Variants in INTS3 observed in about 807,000 individuals in gnomAD.
The protein encoded by INTS3 is integrator complex subunit 3, also known as SOSS complex subunit A.
A neutral mutation model predicts 146.3 loss-of-function variants in INTS3; 34 were observed. The ratio of observed to expected loss-of-function variants is 0.23; its 90% confidence interval spans 0.18 to 0.31. The LOEUF (loss-of-function observed/expected upper bound fraction) is 0.31, where lower values mean the gene tolerates loss of function less well. Ranked by LOEUF, INTS3 falls within the 10% of genes least tolerant of loss-of-function variation. The pLI, the probability that INTS3 is intolerant of heterozygous loss-of-function variation, is 1.00. For synonymous variants in INTS3, 475 were observed against 494.9 expected (o/e 0.96, Z 0.53); for missense variants, 757 against 1,304.2 (o/e 0.58, Z 6.46).
intron 10 of INTS3, among the ~76,000 whole-genome samples, chr1:153,758,642 T>C (rs766979169): frequency 1.3e-4 from 19 of 144,088 alleles, no homozygotes; most frequent in Admixed American, 5.6e-4. Flanking sequence ...ACCCCATCTC[T>C]ACAAAAAAAT....
chr1:153,751,169 A>G lies in INTS3; in HGVS notation c.659A>G (p.His220Arg), dbSNP rs377300812. The change falls in exon 7 of 30, where the codon CAT becomes CGT. Residue 220 changes from histidine to arginine, a missense_variant. This residue lies in a region of INTS3 where 134 missense variants were observed against 243.1 expected (regional missense o/e 0.55). Transcript: ENST00000318967. ...TACCTCCGCCTCATCGTGGACCACC[A>G]TGGGACTGCCCAGCTCCAGGCCCTG... The part of the protein sequence containing the change: ...YTYLRLIVDH[H>R]GTAQLQALRQ... 4.2e-5 allele frequency: 67 copies of G among 1,614,052 alleles called. No homozygotes were observed. The African/African-American group carries it at 6.9e-4, about 17-fold the overall frequency.
intron 16 of INTS3, among the ~76,000 whole-genome samples, chr1:153,763,616 A>G (rs1219846694): frequency 1.3e-5 from 2 of 152,332 alleles, no homozygotes; most frequent in South Asian, 4.1e-4. Flanking sequence ...CTGAGAACCA[A>G]GGCAGGATTG....
chr1:153,761,214 G>A (rs1672369281), intron 13 of INTS3: 2 of 610,134 alleles, frequency 3.3e-6, no homozygotes, highest in Middle Eastern at 4.8e-4. Context: ...TGTTGAGTTA[G>A]AAATGAGAAG....
chr1:153,752,523 A>G, intron 8 of INTS3, 115 bp downstream of exon 8: 1 of 1,115,466 alleles, frequency 9.0e-7, no homozygotes, highest in South Asian at 1.6e-5. Flanking sequence ...GGTCAGATTT[A>G]GGAAGCCTGG....
At position 153,734,354 on chromosome 1, in the gene INTS3, T is replaced by C. The variant is rs1671207440; in HGVS notation, c.150+5570T>C. On this transcript the variant is annotated intron_variant, in intron 1 of 29. Coordinates refer to ENST00000318967, the MANE Select transcript of INTS3 (RefSeq NM_023015.5). ...ACCCTGAATGATTTGTAATCAATTT[T>C]CCCATCCCTGTTTGGAAAAGTAATT... Among the ~76,000 whole-genome samples, 3 of 152,316 alleles carry C rather than the reference T, an allele frequency of 2.0e-5. No homozygotes were observed. The South Asian group carries it at 6.2e-4, about 32-fold the overall frequency.
intron 11 of INTS3, 74 bp from the exon 12 acceptor site, chr1:153,760,232 CAAAAA>C (rs58951043): frequency 3.5e-3 from 1,383 of 393,586 alleles, no homozygotes; most frequent in Middle Eastern, 5.9e-3. Context: ...GACTCTGTTT[CAAAAA>C]AAAAAAAAAA....
In INTS3 at chr1:153,746,991, G is replaced by T; in HGVS notation, c.353G>T (p.Gly118Val). The change falls in exon 4 of 30, where the codon GGC (glycine) becomes GTC (valine). Residue 118 changes from glycine (G) to valine (V), a missense_variant. Gly to Val is a moderately radical substitution (Grantham distance 109). This residue lies in a region of INTS3 where 160 missense variants were observed against 193.7 expected (regional missense o/e 0.83). Transcript: ENST00000318967. ...GACTTAGCTCTGGTGAGTCGTGATGGCATGAATATTGTCCTGAATAAAATC... is the reference window on the plus strand; with the variant it reads ...GACTTAGCTCTGGTGAGTCGTGATGTCATGAATATTGTCCTGAATAAAATC... ...YRDLALVSRDGMNIVLNKINQ... is the reference protein window; with the variant it reads ...YRDLALVSRDVMNIVLNKINQ... The T allele has an allele frequency of 6.2e-7, 1 of 1,613,842 alleles. No individual in the cohort carries two copies. The highest frequency in any genetic ancestry group is 8.5e-7 in the Non-Finnish European group (1 of 1,179,794).
At chr1:153,747,526 ATTGATTG>A in intron 5 of INTS3, 163 bp downstream of exon 5, 1 of 634,526 alleles carries the variant, frequency 1.6e-6, no homozygotes, top group Non-Finnish European at 2.8e-6. Context: ...GTAGAAATAA[ATTGATTG>A]AAAAATCATG....
rs181224378 is a variant in INTS3, at chr1:153,739,926, G to C, written c.151-725G>C. Reference sequence around the variant, plus strand: ...TCTCCTGCCTCAGTCTCCTCCTCCTGAGTAGCTGGGATTACAGGCGCACAC... The same window carrying C: ...TCTCCTGCCTCAGTCTCCTCCTCCTCAGTAGCTGGGATTACAGGCGCACAC... On this transcript the variant is annotated intron_variant, in intron 1 of 29. Coordinates refer to ENST00000318967, the MANE Select transcript of INTS3 (RefSeq NM_023015.5). Among the ~76,000 whole-genome samples, 159 of 145,734 alleles carry C rather than the reference G, an allele frequency of 1.1e-3. 2 individuals carry two copies. The highest frequency in any genetic ancestry group is 1.7e-3 in the Non-Finnish European group (111 of 66,890).
intron 1 of INTS3, 37 bp downstream of exon 1, chr1:153,728,821 GGTTTTGGAGGGATACTGGAGCGGATACC>G: frequency 7.9e-7 from 1 of 1,264,824 alleles, no homozygotes; most frequent in Non-Finnish European, 1.1e-6. Flanking sequence ...TAAGAAATTG[GGTTTTGGAGGGATACTGGAGCGGATACC>G]GGGTGGGAGG....
rs528084168 is a variant in INTS3, at chr1:153,754,712, G to A, written c.930G>A (p.Glu310=). The change falls in exon 9 of 30, where the codon GAG becomes GAA. Residue 310 remains glutamate, a synonymous_variant. Coordinates refer to ENST00000318967, the MANE Select transcript of INTS3 (RefSeq NM_023015.5). The part of the protein sequence containing the change: ...FLACRLTPDM[E]TKLLFMTSRV... ...CATGTCGTCTAACCCCGGACATGGA[G>A]ACTAAACTCCTCTTCATGACATCCC... The A allele has an allele frequency of 2.5e-6, 4 of 1,612,374 alleles. No individual in the cohort carries two copies. Among genetic ancestry groups the A allele is most frequent in the African/African-American group, 2.7e-5 (2 of 75,012 alleles).
chr1:153,761,685 C>T lies in INTS3; in HGVS notation c.1516+9C>T. 1 of 1,581,058 alleles carries T rather than the reference C, an allele frequency of 6.3e-7. No individual in the cohort carries two copies. Among genetic ancestry groups the T allele is most frequent in the Non-Finnish European group, 8.7e-7 (1 of 1,150,208 alleles). On this transcript the variant is annotated intron_variant, in intron 14 of 29. Transcript: ENST00000318967. ...CTCCCCACCTGTGGAAGGTATGAGG[C>T]CCGCCCATTCCATCACCTGTGTCAA...
At chr1:153,764,598 G>A in intron 18 of INTS3, 92 bp from the exon 19 acceptor site, 1 of 949,150 alleles carries the variant, frequency 1.1e-6, no homozygotes, top group Non-Finnish European at 1.7e-6. Context: ...GGGTAGGGAA[G>A]GAGCAGGCTG....
In INTS3 at chr1:153,772,093, C is replaced by G. The variant is rs1165315874; in HGVS notation, c.2720+130C>G. 1 of 1,084,146 alleles carries G rather than the reference C, an allele frequency of 9.2e-7. No individual in the cohort carries two copies. The highest frequency in any genetic ancestry group is 1.3e-6 in the Non-Finnish European group (1 of 762,830). 67.2% of individuals were successfully genotyped at this position (1,084,146 alleles called of 1,614,324 possible). A position where few individuals can be genotyped will look rare whatever the true frequency, so the allele number is the denominator to read the frequency against. On this transcript the variant is annotated intron_variant, in intron 26 of 29. Coordinates refer to ENST00000318967, the MANE Select transcript of INTS3 (RefSeq NM_023015.5). This position sits in a 1 kb window ranked among gnomAD's most constrained non-coding sequence, Gnocchi z 4.6. The stretch of plus-strand genomic sequence containing the variant: ...TCCCAGCCTGGTTTGTGGGCGACAT[C>G]TAGTGGTCCGAAGCCACATGGCATG...
rs1196780887 is a variant in INTS3, at chr1:153,772,049, G to A, written c.2720+86G>A. ...GGTGGTGGTGGTGGTGGTGGTGGTGGTGATGGGGGTCAGTGCTGTCCCAGC... is the reference window on the plus strand; with the variant it reads ...GGTGGTGGTGGTGGTGGTGGTGGTGATGATGGGGGTCAGTGCTGTCCCAGC... On this transcript the variant is annotated intron_variant, in intron 26 of 29. Coordinates refer to ENST00000318967, the MANE Select transcript of INTS3 (RefSeq NM_023015.5). This position sits in a 1 kb window ranked among gnomAD's most constrained non-coding sequence, Gnocchi z 4.6. 26 of 1,284,242 alleles carry A rather than the reference G, an allele frequency of 2.0e-5. No homozygotes were observed. In the East Asian group the frequency reaches 4.3e-4, roughly 21 times the overall value. The allele number at this position is 1,284,242 out of a possible 1,614,324, so 79.6% of individuals were successfully genotyped here.
Position 153,757,803 on chromosome 1 carries a change from C to G in INTS3, c.1149+40C>G. On this transcript the variant is annotated intron_variant, in intron 10 of 29. Coordinates refer to ENST00000318967, the MANE Select transcript of INTS3 (RefSeq NM_023015.5). The surrounding 1 kb of genome is among the most constrained non-coding windows in gnomAD (Gnocchi z 4.0). The stretch of plus-strand genomic sequence containing the variant: ...TACTGGGTGGTGAAGGGTGCCTCTT[C>G]CATGGTGTTCCCATGTTTCCATTCT... The G allele has an allele frequency of 6.5e-7, 1 of 1,546,544 alleles. No individual in the cohort carries two copies. The highest frequency in any genetic ancestry group is 8.9e-7 in the Non-Finnish European group (1 of 1,121,792).
At chr1:153,755,336 T>C (rs1672122128) in intron 9 of INTS3, among the ~76,000 whole-genome samples, 2 of 152,148 alleles carry the variant, frequency 1.3e-5, no homozygotes, top group African/African-American at 2.4e-5. Context: ...CGATCTCGGC[T>C]CTCCGCAGCC....
chr1:153,772,029 T>G lies in INTS3; in HGVS notation c.2720+66T>G. 4 of 1,280,070 alleles carry G rather than the reference T, an allele frequency of 3.1e-6. No individual in the cohort carries two copies. The highest frequency in any genetic ancestry group is 4.3e-6 in the Non-Finnish European group (4 of 935,026). The allele number at this position is 1,280,070 out of a possible 1,614,324, so 79.3% of individuals were successfully genotyped here. ...CTGCAGTGATTGCTGTCGGTGGTGG[T>G]GGTGGTGGTGGTGGTGGTGGTGATG... On this transcript the variant is annotated intron_variant, in intron 26 of 29. Coordinates refer to ENST00000318967, the MANE Select transcript of INTS3 (RefSeq NM_023015.5). This position sits in a 1 kb window ranked among gnomAD's most constrained non-coding sequence, Gnocchi z 4.6.
At chr1:153,743,655 C>G (rs1671619771) in intron 3 of INTS3, among the ~76,000 whole-genome samples, 1 of 152,072 alleles carries the variant, frequency 6.6e-6, no homozygotes, top group Admixed American at 6.6e-5. Context: ...ATGTTTATAT[C>G]CTTTGAGTTT....
Sources: allele counts gnomAD v4.1 joint callset (sites outside exome capture counted in the v4.1 genomes callset), GRCh38; gene constraint gnomAD v4.1.1; regional missense constraint gnomAD v4.1.1; non-coding constraint Gnocchi (gnomAD v3.1); transcripts MANE v1.5; gene names NCBI Gene and HGNC (gene_info 2026-07-23, HGNC 2026-07-21).